The following STON2 variants were observed in gnomAD, a reference collection of about 807,000 sequenced individuals.
The protein encoded by STON2 is stonin 2.
In STON2, 29 loss-of-function variants were observed where a neutral mutation model predicts 65.7. That is an observed-to-expected ratio of 0.44 (90% CI 0.33 to 0.60). The LOEUF (loss-of-function observed/expected upper bound fraction) is 0.60, where lower values mean the gene tolerates loss of function less well. STON2 is among the 20% of genes least tolerant of loss of function. The pLI, the probability that STON2 is intolerant of heterozygous loss-of-function variation, is 0.03. For missense variants in STON2, 1,054 were observed against 1,118.1 expected (o/e 0.94, Z 0.82); for synonymous variants, 404 against 414.2 (o/e 0.98, Z 0.30).
Position 81,267,650 on chromosome 14 carries a change from A to C in STON2, c.*764T>G. Reference sequence around the variant, plus strand: ...CTTATATTTAATGTCTCTTTTCTCCAAAATGAAGAAAACTAAGATTAATTT... The same window carrying C: ...CTTATATTTAATGTCTCTTTTCTCCCAAATGAAGAAAACTAAGATTAATTT... On this transcript the variant is annotated 3_prime_UTR_variant, in exon 8 of 8. Transcript: ENST00000614646. The C allele has an allele frequency of 1.0e-6, 1 of 985,408 alleles. No homozygotes were observed. The highest frequency in any genetic ancestry group is 1.2e-6 in the Non-Finnish European group (1 of 829,906). 61.0% of individuals were successfully genotyped at this position (985,408 alleles called of 1,614,324 possible).
Position 81,268,016 on chromosome 14 carries a change from G to A in STON2, c.*398C>T, listed in dbSNP as rs1894423170. The stretch of plus-strand genomic sequence containing the variant: ...GACTGCCTTTGCCAGAAAGTTATGC[G>A]AGTGACAGATGAACATCAGAAGGCA... On this transcript the variant is annotated 3_prime_UTR_variant, in exon 8 of 8. Coordinates refer to ENST00000614646, the MANE Select transcript of STON2 (RefSeq NM_001394390.1). 3.0e-6 allele frequency: 3 copies of A among 986,816 alleles called. No individual in the cohort carries two copies. Among genetic ancestry groups the A allele is most frequent in the Non-Finnish European group, 3.6e-6 (3 of 830,910 alleles). The allele number at this position is 986,816 out of a possible 1,614,324, so 61.1% of individuals were successfully genotyped here.
chr14:81,331,108 T>G (rs745830989), intron 4 of STON2, among the ~76,000 whole-genome samples: 9 of 152,228 alleles, frequency 5.9e-5, no homozygotes, highest in Non-Finnish European at 1.2e-4. Flanking sequence ...CAGGCTTGTG[T>G]GTGCACGTGC....
intron 5 of STON2, among the ~76,000 whole-genome samples, chr14:81,308,040 A>C (rs1016099549): frequency 1.3e-5 from 2 of 152,112 alleles, no homozygotes; most frequent in African/African-American, 4.8e-5. Context: ...TGAAGCTGTT[A>C]TATCTTTATC....
At chr14:81,430,634 A>G (rs1397147896) in intron 1 of STON2, among the ~76,000 whole-genome samples, 1 of 152,192 alleles carries the variant, frequency 6.6e-6, no homozygotes, top group East Asian at 1.9e-4. Context: ...TATCTATAGA[A>G]TTTTGGTCAA....
chr14:81,434,355 A>C (rs1902329145), intron 1 of STON2, among the ~76,000 whole-genome samples: 1 of 152,268 alleles, frequency 6.6e-6, no homozygotes, highest in East Asian at 1.9e-4. Flanking sequence ...TACCCCCAGC[A>C]GCAAGCGTTC....
At chr14:81,299,252 A>AT (rs1895880962) in intron 5 of STON2, among the ~76,000 whole-genome samples, 1 of 152,256 alleles carries the variant, frequency 6.6e-6, no homozygotes, top group Non-Finnish European at 1.5e-5. Flanking sequence ...ATACAAACAT[A>AT]TATGTGAGAC....
intron 1 of STON2, among the ~76,000 whole-genome samples, chr14:81,435,016 A>C (rs1281163532): frequency 1.3e-5 from 2 of 152,142 alleles, no homozygotes; most frequent in East Asian, 3.9e-4. Context: ...AGGGAGGAGT[A>C]AAAAGTATAA....
chr14:81,390,329 T>C (rs1160820232), intron 3 of STON2, among the ~76,000 whole-genome samples: 1 of 152,210 alleles, frequency 6.6e-6, no homozygotes, highest in Non-Finnish European at 1.5e-5. Context: ...GCCCAGTGGA[T>C]TTCTGCTCAA....
chr14:81,373,723 C>T (rs10151523), intron 3 of STON2, among the ~76,000 whole-genome samples: 78,615 of 151,898 alleles, frequency 0.52, 21,316 homozygotes, highest in East Asian at 0.73. Flanking sequence ...GAAGAGCTGA[C>T]GCATAAAGTG....
intron 4 of STON2, among the ~76,000 whole-genome samples, chr14:81,331,397 T>C (rs897369819): frequency 6.6e-6 from 1 of 152,232 alleles, no homozygotes; most frequent in African/African-American, 2.4e-5. Context: ...CAACCCCATT[T>C]CACTGGCTGG....
At chr14:81,322,756 C>T (rs750495134) in intron 5 of STON2, among the ~76,000 whole-genome samples, 6 of 152,228 alleles carry the variant, frequency 3.9e-5, no homozygotes, top group Non-Finnish European at 7.3e-5. Flanking sequence ...CATAGACTTC[C>T]TATATGCCAG....
At chr14:81,433,785 A>G (rs1902305935) in intron 1 of STON2, among the ~76,000 whole-genome samples, 1 of 152,218 alleles carries the variant, frequency 6.6e-6, no homozygotes, top group African/African-American at 2.4e-5. Context: ...AGTGAGGGGT[A>G]GAACTATGCC....
chr14:81,385,850 C>T (rs1260732713), intron 3 of STON2, among the ~76,000 whole-genome samples: 1 of 152,116 alleles, frequency 6.6e-6, no homozygotes, highest in Non-Finnish European at 1.5e-5. Context: ...TAAACTAATG[C>T]ATATTTGACC....
At chr14:81,388,961 T>C (rs1899951892) in intron 3 of STON2, among the ~76,000 whole-genome samples, 1 of 152,140 alleles carries the variant, frequency 6.6e-6, no homozygotes, top group African/African-American at 2.4e-5. Context: ...TCAGTTCTAC[T>C]TCTCCTCCTC....
intron 3 of STON2, among the ~76,000 whole-genome samples, chr14:81,387,816 C>G (rs1230263792): frequency 2.0e-5 from 3 of 150,950 alleles, no homozygotes; most frequent in African/African-American, 7.3e-5. Flanking sequence ...CACTTCAACC[C>G]AGAAGCGGAG....
chr14:81,275,096 T>C (rs939418474), intron 6 of STON2, among the ~76,000 whole-genome samples: 3 of 152,142 alleles, frequency 2.0e-5, no homozygotes, highest in Admixed American at 2.0e-4. Context: ...TCCAATAATT[T>C]GTTTTGTTGC....
chr14:81,276,399 A>AATGTGAGATATTATGACTACCAGAGCC (rs1894820204), intron 6 of STON2, among the ~76,000 whole-genome samples: 1 of 58,288 alleles, frequency 1.7e-5, no homozygotes, highest in Non-Finnish European at 6.5e-5. Context: ...CCCAGAGCCA[A>AATGTGAGATATTATGACTACCAGAGCC]AGTCTGAATG....
rs1382014739 is a variant in STON2, at chr14:81,278,052, GC to G, written c.1429del (p.Ala477HisfsTer11). On this transcript the variant is annotated frameshift_variant, in exon 6 of 8. Transcript: ENST00000614646. LOFTEE classifies it high-confidence loss of function. The stretch of plus-strand genomic sequence containing the variant: ...CCACCCGTCACGAGGCTGGGACCGT[GC>G]TGATCCAGGCGGGTGAGCATCTAGT... Reference protein sequence around the residue: ...IELDAHPPGSARSQPRDGWPM... With the variant: ...IELDAHPPGSXRSQPRDGWPM... 6.2e-7 allele frequency: 1 copy of G among 1,614,088 alleles called. No homozygotes were observed. The highest frequency in any genetic ancestry group is 1.3e-5 in the African/African-American group (1 of 74,938).
At chr14:81,390,223 C>G (rs941780196) in intron 3 of STON2, among the ~76,000 whole-genome samples, 2 of 149,374 alleles carry the variant, frequency 1.3e-5, no homozygotes, top group Non-Finnish European at 3.0e-5. Flanking sequence ...AACTTAAAAA[C>G]AGAAAGACAA....
Sources: allele counts gnomAD v4.1 joint callset (sites outside exome capture counted in the v4.1 genomes callset), GRCh38; gene constraint gnomAD v4.1.1; transcripts MANE v1.5; gene names NCBI Gene and HGNC (gene_info 2026-07-23, HGNC 2026-07-21).